DIP2C: variants seen among roughly 807,000 people sequenced by gnomAD.
DIP2C encodes DIP2 acetate--CoA ligase C (putative).
Under a neutral mutation model 192.4 loss-of-function variants are expected in DIP2C, and 33 were observed. The ratio of observed to expected loss-of-function variants is 0.17; its 90% CI spans 0.13 to 0.23. The LOEUF (loss-of-function observed/expected upper bound fraction) is 0.23, where lower values mean the gene tolerates loss of function less well. DIP2C is among the 10% of genes least tolerant of loss of function. The probability of loss-of-function intolerance (pLI) is 1.00; values close to 1 mark genes in which losing one functional copy is unlikely to be tolerated. For missense variants in DIP2C, 1,537 were observed against 2,110.1 expected, an observed-to-expected ratio of 0.73 and a Z score of 5.32; for synonymous variants, 979 against 864.1, an observed-to-expected ratio of 1.13 and a Z score of -2.33.
At chr10:482,054 G>A (rs1235481285) in intron 2 of DIP2C, among the ~76,000 whole-genome samples, 3 of 152,184 alleles carry the variant, frequency 2.0e-5, no homozygotes, top group Admixed American at 6.5e-5. Flanking sequence ...ATGGGAATCC[G>A]GATGGTCTGA....
intron 1 of DIP2C, among the ~76,000 whole-genome samples, chr10:603,066 C>T (rs937030155): frequency 3.3e-5 from 5 of 152,074 alleles, no homozygotes; most frequent in Non-Finnish European, 5.9e-5. Flanking sequence ...TTCCACATCA[C>T]CACTAATTTG....
chr10:399,622 G>A (rs1964256090), intron 9 of DIP2C, among the ~76,000 whole-genome samples: 1 of 152,164 alleles, frequency 6.6e-6, no homozygotes, highest in African/African-American at 2.4e-5. Flanking sequence ...GCAGTGTTTG[G>A]CTCTGGGATC....
chr10:435,723 C>G (rs1010745976), intron 4 of DIP2C, among the ~76,000 whole-genome samples: 1 of 152,156 alleles, frequency 6.6e-6, no homozygotes, highest in Non-Finnish European at 1.5e-5. Context: ...AAGATTATCA[C>G]GTATGGAACC....
chr10:414,746 TATATATATATA>T (rs1326877296), intron 7 of DIP2C, among the ~76,000 whole-genome samples: 13 of 137,596 alleles, frequency 9.4e-5, no homozygotes, highest in African/African-American at 3.2e-4. Context: ...TGTGTACATA[TATATATATATA>T]ATGTGTATAT....
chr10:294,122 G>A (rs567683751), intron 32 of DIP2C, among the ~76,000 whole-genome samples: 16 of 152,252 alleles, frequency 1.1e-4, no homozygotes, highest in African/African-American at 3.6e-4. Flanking sequence ...TCCCTCGGGT[G>A]GAAGAGAGCT....
intron 30 of DIP2C, among the ~76,000 whole-genome samples, chr10:327,891 A>T (rs1225531658): frequency 6.6e-6 from 1 of 152,148 alleles, no homozygotes; most frequent in African/African-American, 2.4e-5. Context: ...CACAACAGAA[A>T]AAGTCATACA....
In DIP2C at chr10:299,917, G is replaced by A. The variant is rs540269685; in HGVS notation, c.3986+10114C>T. On this transcript the variant is annotated intron_variant, in intron 32 of 36. Transcript: ENST00000280886. ...AGCCAGTGAGCAAGAGAAGATGTTCGACAAGACCATCACTAGGAAAACGCA... is the reference window on the plus strand; with the variant it reads ...AGCCAGTGAGCAAGAGAAGATGTTCAACAAGACCATCACTAGGAAAACGCA... Among the ~76,000 whole-genome samples the A allele has an allele frequency of 6.6e-5, 10 of 152,156 alleles. No homozygotes were observed. In the South Asian group the frequency reaches 1.0e-3, roughly 16 times the overall value.
intron 3 of DIP2C, among the ~76,000 whole-genome samples, chr10:465,938 A>G (rs1970164443): frequency 6.6e-6 from 1 of 152,180 alleles, no homozygotes; most frequent in Non-Finnish European, 1.5e-5. Flanking sequence ...AGGAAGAATC[A>G]ATATCGTGAA....
rs368351119 is a variant in DIP2C at position 427,901 on chromosome 10, A to G, written c.395-4868T>C. Reference sequence around the variant, plus strand: ...ACTTACAATAAGAGTCAATCATTCTACTTGGCATCCTCCCAAGATAAAGGA... The same window carrying G: ...ACTTACAATAAGAGTCAATCATTCTGCTTGGCATCCTCCCAAGATAAAGGA... On this transcript the variant is annotated intron_variant, in intron 4 of 36. Coordinates refer to ENST00000280886, the MANE Select transcript of DIP2C (RefSeq NM_014974.3). 7.0e-4 allele frequency among the ~76,000 whole-genome samples: 106 copies of G among 152,340 alleles called. 1 individual carries two copies. In the South Asian group the frequency reaches 0.021, roughly 31 times the overall value.
intron 31 of DIP2C, among the ~76,000 whole-genome samples, chr10:320,946 G>A (rs1956978076): frequency 6.6e-6 from 1 of 152,178 alleles, no homozygotes; most frequent in African/African-American, 2.4e-5. Flanking sequence ...CCCCATGGAG[G>A]GGACCCGGGC....
Position 359,971 on chromosome 10 carries a change from C to T in DIP2C, c.2795-2034G>A, listed in dbSNP as rs984555082. On this transcript the variant is annotated intron_variant, in intron 22 of 36. Transcript: ENST00000280886. Reference sequence around the variant, plus strand: ...GTGACCGATGCTGGGCAAGACGAGACGGCTCTTCTAAGAAGTCAACTTGGA... The same window carrying T: ...GTGACCGATGCTGGGCAAGACGAGATGGCTCTTCTAAGAAGTCAACTTGGA... Among the ~76,000 whole-genome samples the T allele has an allele frequency of 2.0e-4, 30 of 152,262 alleles. 1 individual carries two copies. Among genetic ancestry groups the T allele is most frequent in the Middle Eastern group, 3.4e-3 (1 of 294 alleles).
intron 1 of DIP2C, among the ~76,000 whole-genome samples, chr10:594,615 A>T (rs1422067151): frequency 6.6e-6 from 1 of 152,052 alleles, no homozygotes; most frequent in Non-Finnish European, 1.5e-5. Context: ...AACCATTTCA[A>T]CGTAAGGGAA....
chr10:618,238 AAT>A (rs1853603053), intron 1 of DIP2C, among the ~76,000 whole-genome samples: 1 of 152,216 alleles, frequency 6.6e-6, no homozygotes, highest in African/African-American at 2.4e-5. Context: ...ATGGTTCATT[AAT>A]ATAAATTACA....
At chr10:384,410 G>C in intron 15 of DIP2C, 136 bp downstream of exon 15, 2 of 905,798 alleles carry the variant, frequency 2.2e-6, no homozygotes, top group South Asian at 3.3e-5. Flanking sequence ...GCTAATTTTT[G>C]TATTATTAGT....
intron 2 of DIP2C, among the ~76,000 whole-genome samples, chr10:473,965 T>C (rs568886549): frequency 1.2e-4 from 19 of 152,320 alleles, no homozygotes; most frequent in Non-Finnish European, 2.2e-4. Context: ...GCATGGCTCC[T>C]ACACCGTCAT....
At position 636,926 on chromosome 10, in the gene DIP2C, C is replaced by T. The variant is rs1854872701; in HGVS notation, c.85+52568G>A. The stretch of plus-strand genomic sequence containing the variant: ...CGAGGGGCGGGAGCTCCTAGTCCTG[C>T]TCCCCGACGGCATAGCTGCGACCGG... On this transcript the variant is annotated intron_variant, in intron 1 of 36. Transcript: ENST00000280886. This position sits in a 1 kb window ranked among gnomAD's most constrained non-coding sequence, Gnocchi z 4.6. 6.6e-6 allele frequency among the ~76,000 whole-genome samples: 1 copy of T among 152,254 alleles called. No homozygotes were observed. Among genetic ancestry groups the T allele is most frequent in the East Asian group, 1.9e-4 (1 of 5,198 alleles).
chr10:654,319 G>A (rs1276220523), intron 1 of DIP2C, among the ~76,000 whole-genome samples: 2 of 152,172 alleles, frequency 1.3e-5, no homozygotes, highest in Admixed American at 6.5e-5. Context: ...ACAGAAGCCC[G>A]TTTCTGTACC....
chr10:575,699 AG>A (rs1850107059), intron 1 of DIP2C, among the ~76,000 whole-genome samples: 1 of 152,214 alleles, frequency 6.6e-6, no homozygotes, highest in Admixed American at 6.5e-5. Flanking sequence ...TTCCTGGAGG[AG>A]AACAGCACAG....
chr10:620,330 T>C (rs2131832407), intron 1 of DIP2C, among the ~76,000 whole-genome samples: 1 of 152,194 alleles, frequency 6.6e-6, no homozygotes. Flanking sequence ...CATTAAACGT[T>C]TCACAAGCAA....
Sources: gnomAD v4.1 joint callset for allele counts (sites outside exome capture counted in the v4.1 genomes callset) on GRCh38, gnomAD v4.1.1 for gene constraint, Gnocchi (gnomAD v3.1) non-coding constraint, MANE v1.5 for transcripts, NCBI Gene and HGNC (gene_info 2026-07-23, HGNC 2026-07-21) for gene names.